The following NRXN3 variants were observed in gnomAD, a reference collection of about 807,000 sequenced individuals.
NRXN3 encodes neurexin 3.
NRXN3 carries 32 observed loss-of-function variants against 137.6 expected under a neutral mutation model. That is an observed-to-expected ratio of 0.23 (90% CI 0.18 to 0.31). The LOEUF is 0.31. Ranked by LOEUF, NRXN3 falls within the 10% of genes least tolerant of loss-of-function variation. The probability of loss-of-function intolerance (pLI) is 1.00; values close to 1 mark genes in which losing one functional copy is unlikely to be tolerated. For synonymous variants in NRXN3, 798 were observed against 784.5 expected, an observed-to-expected ratio of 1.02 and a Z score of -0.29; for missense variants, 1,574 against 2,062.5, an observed-to-expected ratio of 0.76 and a Z score of 4.59.
chr14:78,983,988 C>A (rs1404103892), intron 14 of NRXN3, among the ~76,000 whole-genome samples: 1 of 151,364 alleles, frequency 6.6e-6, no homozygotes, highest in Non-Finnish European at 1.5e-5. Context: ...ACCACATGAT[C>A]TCACTTATAT....
intron 10 of NRXN3, among the ~76,000 whole-genome samples, chr14:78,873,908 G>T (rs2099107309): frequency 6.6e-6 from 1 of 151,892 alleles, no homozygotes; most frequent in Non-Finnish European, 1.5e-5. Context: ...CCCACCTAGG[G>T]TTAATGCATA....
chr14:78,240,146 G>C (rs2066894676), intron 1 of NRXN3, among the ~76,000 whole-genome samples: 1 of 152,138 alleles, frequency 6.6e-6, no homozygotes, highest in Non-Finnish European at 1.5e-5. Flanking sequence ...TTTAGCAGTT[G>C]GCTCTCACAA....
chr14:79,702,803 C>G (rs2098759960), intron 19 of NRXN3, among the ~76,000 whole-genome samples: 1 of 151,856 alleles, frequency 6.6e-6, no homozygotes, highest in Non-Finnish European at 1.5e-5. Context: ...GCTGATAGGT[C>G]AGCTTCTAAA....
intron 10 of NRXN3, among the ~76,000 whole-genome samples, chr14:78,833,270 A>G (rs1482388916): frequency 6.6e-6 from 1 of 152,122 alleles, no homozygotes; most frequent in Non-Finnish European, 1.5e-5. Flanking sequence ...ATGTCTTTTG[A>G]GTGACCTCTT....
At chr14:79,050,273 ACT>A (rs1439696885) in intron 15 of NRXN3, among the ~76,000 whole-genome samples, 3 of 152,030 alleles carry the variant, frequency 2.0e-5, no homozygotes, top group Admixed American at 2.0e-4. Context: ...CACATTATAA[ACT>A]CTAATTCATT....
chr14:79,095,394 T>C (rs2050121222), intron 15 of NRXN3, among the ~76,000 whole-genome samples: 3 of 152,204 alleles, frequency 2.0e-5, no homozygotes, highest in Admixed American at 2.0e-4. Context: ...AAATCTTTCA[T>C]TTGCAACGAG....
intron 10 of NRXN3, among the ~76,000 whole-genome samples, chr14:78,926,744 TTATATATTATA>T (rs1213430173): frequency 6.9e-4 from 42 of 60,892 alleles, no homozygotes; most frequent in African/African-American, 3.4e-3. Context: ...AAAATATATA[TTATATATTATA>T]TATATATTAT....
At chr14:79,232,134 A>G (rs1025036299) in intron 15 of NRXN3, among the ~76,000 whole-genome samples, 6 of 152,158 alleles carry the variant, frequency 3.9e-5, no homozygotes, top group Non-Finnish European at 7.4e-5. Context: ...TGGCAGGAGA[A>G]TATTAGAATC....
intron 15 of NRXN3, among the ~76,000 whole-genome samples, chr14:79,192,765 ATTTTTTT>A (rs961910712): frequency 6.1e-5 from 7 of 115,300 alleles, no homozygotes; most frequent in East Asian, 2.7e-4. Flanking sequence ...AATTCTCTTA[ATTTTTTT>A]TTTTTTTTTT....
At chr14:79,412,161 A>G (rs1326884690) in intron 15 of NRXN3, among the ~76,000 whole-genome samples, 2 of 152,144 alleles carry the variant, frequency 1.3e-5, no homozygotes, top group Admixed American at 6.5e-5. Context: ...CCAAGTATAT[A>G]TGGTCCTGGC....
intron 15 of NRXN3, among the ~76,000 whole-genome samples, chr14:79,269,056 A>ATT (rs2078898500): frequency 6.6e-6 from 1 of 151,240 alleles, no homozygotes; most frequent in African/African-American, 2.4e-5. Context: ...ATTTTATTTT[A>ATT]TTTTATTTTT....
chr14:78,174,614 C>T (rs917618275), intron 1 of NRXN3, among the ~76,000 whole-genome samples: 32 of 152,114 alleles, frequency 2.1e-4, no homozygotes, highest in Admixed American at 2.1e-3. Flanking sequence ...AGGCTGCCTG[C>T]CTCTTTGTGT....
intron 8 of NRXN3, among the ~76,000 whole-genome samples, chr14:78,738,184 G>A (rs565112277): frequency 7.9e-5 from 12 of 152,214 alleles, no homozygotes; most frequent in East Asian, 1.9e-4. Flanking sequence ...TCACGTCTTC[G>A]TTCATTTATG....
At chr14:78,297,907 C>T in intron 4 of NRXN3, 47 bp downstream of exon 4, 2 of 1,535,120 alleles carry the variant, frequency 1.3e-6, no homozygotes, top group Non-Finnish European at 1.7e-6. Context: ...AACTGCTTGC[C>T]TCCGTGCCTC....
chr14:79,657,118 T>A (rs2098510153), intron 16 of NRXN3, among the ~76,000 whole-genome samples: 1 of 152,174 alleles, frequency 6.6e-6, no homozygotes, highest in Admixed American at 6.5e-5. Flanking sequence ...TTGCCAAGAT[T>A]TTATTTATTT....
intron 15 of NRXN3, among the ~76,000 whole-genome samples, chr14:79,144,947 A>G (rs1176706374): frequency 6.6e-6 from 1 of 151,998 alleles, no homozygotes; most frequent in Non-Finnish European, 1.5e-5. Context: ...TTAGGTTATT[A>G]GAAATTTTTG....
At position 78,988,065 on chromosome 14, in the gene NRXN3, G is replaced by A. The variant is rs1407359388; in HGVS notation, c.3186G>A (p.Gly1062=). 1.2e-6 allele frequency: 2 copies of A among 1,613,834 alleles called. No homozygotes were observed. Among genetic ancestry groups the A allele is most frequent in the Admixed American group, 1.7e-5 (1 of 59,968 alleles). The change falls in exon 15 of 21, where the codon GGG becomes GGA. Residue 1062 remains glycine (G), a synonymous_variant. Coordinates refer to ENST00000335750, the MANE Select transcript of NRXN3 (RefSeq NM_001330195.2). The part of the protein sequence containing the change: ...TCQEDSCANQ[G]VCMQQWEGFT... The stretch of plus-strand genomic sequence containing the variant: ...AGGAAGATTCATGTGCCAACCAGGG[G>A]GTCTGCATGCAACAATGGGAGGGCT...
At chr14:78,955,113 C>T (rs990052892) in intron 10 of NRXN3, among the ~76,000 whole-genome samples, 2 of 152,134 alleles carry the variant, frequency 1.3e-5, no homozygotes, top group South Asian at 2.1e-4. Flanking sequence ...TTTAAATAGC[C>T]CGTACTTGTA....
intron 15 of NRXN3, among the ~76,000 whole-genome samples, chr14:79,254,897 C>T (rs1027151168): frequency 2.7e-5 from 4 of 150,010 alleles, no homozygotes; most frequent in African/African-American, 9.8e-5. Flanking sequence ...TCCCTCCCTT[C>T]CTTTCTTCCC....
Sources: allele counts gnomAD v4.1 joint callset (sites outside exome capture counted in the v4.1 genomes callset), GRCh38; gene constraint gnomAD v4.1.1; transcripts MANE v1.5; gene names NCBI Gene and HGNC (gene_info 2026-07-23, HGNC 2026-07-21).